THSD7B: variants seen among roughly 807,000 people sequenced by gnomAD.
THSD7B encodes thrombospondin type-1 domain-containing protein 7B.
THSD7B carries 138 observed loss-of-function variants against 213.6 expected under a neutral mutation model. The ratio of observed to expected loss-of-function variants is 0.65; its 90% CI spans 0.56 to 0.74. THSD7B has a LOEUF of 0.74. Among genes scored for constraint, THSD7B ranks in the 30% least tolerant of loss-of-function variants. The pLI is 0.00. For synonymous variants in THSD7B, 742 were observed against 687.0 expected (o/e 1.08, Z -1.25); for missense variants, 1,931 against 1,991.5 (o/e 0.97, Z 0.58).
chr2:136,927,329 G>A (rs865824840), intron 2 of THSD7B, among the ~76,000 whole-genome samples: 11 of 151,972 alleles, frequency 7.2e-5, no homozygotes, highest in Admixed American at 3.9e-4. Context: ...GTGGGCAGCC[G>A]GTATGCTGAC....
chr2:137,522,091 G>A (rs1680196087), intron 15 of THSD7B, among the ~76,000 whole-genome samples: 1 of 152,118 alleles, frequency 6.6e-6, no homozygotes, highest in African/African-American at 2.4e-5. Context: ...GAACTGCATG[G>A]GCTAGGCTGT....
intron 3 of THSD7B, among the ~76,000 whole-genome samples, chr2:137,068,910 T>G (rs1427665300): frequency 6.6e-6 from 1 of 152,062 alleles, no homozygotes; most frequent in African/African-American, 2.4e-5. Flanking sequence ...GAAAGTCACT[T>G]TATCAATCTA....
At chr2:137,204,246 T>C (rs531687641) in intron 7 of THSD7B, among the ~76,000 whole-genome samples, 1 of 151,678 alleles carries the variant, frequency 6.6e-6, no homozygotes, top group African/African-American at 2.4e-5. Flanking sequence ...TTAACATTGC[T>C]ATAAAGTAAG....
At chr2:137,190,433 C>T (rs1459991814) in intron 7 of THSD7B, among the ~76,000 whole-genome samples, 2 of 151,996 alleles carry the variant, frequency 1.3e-5, no homozygotes, top group Non-Finnish European at 2.9e-5. Flanking sequence ...ACATCTGCTC[C>T]GAGGTGTCTC....
intron 1 of THSD7B, among the ~76,000 whole-genome samples, chr2:136,832,848 C>T (rs1029014287): frequency 6.6e-6 from 1 of 152,134 alleles, no homozygotes; most frequent in Middle Eastern, 3.2e-3. Flanking sequence ...ACTTGGGATG[C>T]ATTCTTTCTT....
chr2:136,898,255 C>A (rs1683998294), intron 2 of THSD7B, among the ~76,000 whole-genome samples: 1 of 152,132 alleles, frequency 6.6e-6, no homozygotes, highest in Non-Finnish European at 1.5e-5. Context: ...AAGCCTTGTC[C>A]TTCTTTTGTT....
chr2:137,269,525 C>T (rs1002250801), intron 10 of THSD7B, among the ~76,000 whole-genome samples: 6 of 152,116 alleles, frequency 3.9e-5, no homozygotes, highest in African/African-American at 1.4e-4. Context: ...CTATTGTTTT[C>T]AGTCCTTATT....
At chr2:137,275,834 A>T (rs1682856190) in intron 11 of THSD7B, 89 bp from the exon 12 acceptor site, 5 of 957,090 alleles carry the variant, frequency 5.2e-6, no homozygotes, top group Non-Finnish European at 7.8e-6. Context: ...TACTGTCTTT[A>T]CTTTTTTTAA....
intron 12 of THSD7B, among the ~76,000 whole-genome samples, chr2:137,297,094 C>A (rs16838697): frequency 0.061 from 9,024 of 148,160 alleles, 507 homozygotes; most frequent in African/African-American, 0.14. Context: ...CAAACAATTA[C>A]TGATGTGAAT....
chr2:137,534,141 C>T (rs1003071964), intron 15 of THSD7B, among the ~76,000 whole-genome samples: 21 of 151,378 alleles, frequency 1.4e-4, no homozygotes, highest in African/African-American at 4.6e-4. Flanking sequence ...TTCCATTTCC[C>T]CTTTTGCCTT....
chr2:137,482,700 T>C (rs1237301721), intron 15 of THSD7B, among the ~76,000 whole-genome samples: 2 of 152,048 alleles, frequency 1.3e-5, no homozygotes, highest in East Asian at 1.9e-4. Context: ...TTTTTTTCCC[T>C]TGGAGCCACC....
chr2:137,060,218 CTTA>C (rs1687245907), intron 3 of THSD7B, among the ~76,000 whole-genome samples: 1 of 151,872 alleles, frequency 6.6e-6, no homozygotes, highest in Admixed American at 6.6e-5. Context: ...GAGTTGTTTT[CTTA>C]TTGTTGAATT....
At chr2:137,042,265 G>C (rs1304047539) in intron 2 of THSD7B, among the ~76,000 whole-genome samples, 1 of 152,160 alleles carries the variant, frequency 6.6e-6, no homozygotes, top group African/African-American at 2.4e-5. Flanking sequence ...GAACTTATGA[G>C]ATATGAATCC....
rs571211758 is a variant in THSD7B at position 136,960,508 on chromosome 2, C to T, written c.139+78191C>T. On this transcript the variant is annotated intron_variant, in intron 2 of 27. Coordinates refer to ENST00000409968, the MANE Select transcript of THSD7B (RefSeq NM_001316349.2). ...TTTTGTCTATCATTGGCAGTAAATA[C>T]GGGGTAACTGTGGGAGGGGAATGCA... Among the ~76,000 whole-genome samples the T allele has an allele frequency of 5.9e-5, 9 of 152,196 alleles. No homozygotes were observed. In the East Asian group the frequency reaches 7.7e-4, roughly 13 times the overall value.
intron 27 of THSD7B, among the ~76,000 whole-genome samples, chr2:137,670,584 T>G (rs1403005457): frequency 6.6e-6 from 1 of 152,228 alleles, no homozygotes; most frequent in African/African-American, 2.4e-5. Flanking sequence ...TAGTTCCATT[T>G]ATTATCTTAC....
At chr2:136,887,615 C>T (rs1464891262) in intron 2 of THSD7B, among the ~76,000 whole-genome samples, 1 of 152,054 alleles carries the variant, frequency 6.6e-6, no homozygotes, top group Non-Finnish European at 1.5e-5. Context: ...GACACACTGG[C>T]TCTCCCTTTG....
At chr2:137,315,019 C>T (rs1223421533) in intron 12 of THSD7B, among the ~76,000 whole-genome samples, 5 of 152,228 alleles carry the variant, frequency 3.3e-5, no homozygotes, top group East Asian at 1.9e-4. Flanking sequence ...CCTCCTTGAG[C>T]TGTGTTGGGC....
chr2:137,247,224 C>A (rs1682060248), intron 10 of THSD7B, among the ~76,000 whole-genome samples: 1 of 152,114 alleles, frequency 6.6e-6, no homozygotes, highest in South Asian at 2.1e-4. Flanking sequence ...CTTTAAAGAG[C>A]CTTGCTGCAT....
intron 2 of THSD7B, among the ~76,000 whole-genome samples, chr2:137,029,479 T>C (rs912429649): frequency 1.3e-5 from 2 of 152,268 alleles, no homozygotes; most frequent in East Asian, 3.9e-4. Context: ...CATCTTAAAA[T>C]TCAGTGGGAA....
Sources: gnomAD v4.1 joint callset for allele counts (sites outside exome capture counted in the v4.1 genomes callset) on GRCh38, gnomAD v4.1.1 for gene constraint, MANE v1.5 for transcripts, NCBI Gene and HGNC (gene_info 2026-07-23, HGNC 2026-07-21) for gene names.